CHODL: variants seen among roughly 807,000 people sequenced by gnomAD.
CHODL encodes transmembrane protein MT75.
Under a neutral mutation model 34.5 loss-of-function variants are expected in CHODL, and 29 were observed. The ratio of observed to expected loss-of-function variants is 0.84; its 90% CI spans 0.63 to 1.15. The LOEUF is 1.15. CHODL is among the 50% of genes most tolerant of loss of function. The pLI is 0.00. For synonymous variants in CHODL, 125 were observed against 116.1 expected (o/e 1.08, Z -0.49); for missense variants, 332 against 332.5 (o/e 1.00, Z 0.01).
upstream of CHODL, among the ~76,000 whole-genome samples, chr21:18,243,505 G>T (rs984835125): frequency 6.6e-6 from 1 of 152,074 alleles, no homozygotes; most frequent in Non-Finnish European, 1.5e-5. Flanking sequence ...TAAGAAAAAG[G>T]AAGTGATAGA....
chr21:18,238,652 A>G (rs1407328706), intron 2 of CHODL, among the ~76,000 whole-genome samples: 1 of 152,046 alleles, frequency 6.6e-6, no homozygotes, highest in Non-Finnish European at 1.5e-5. Context: ...TAGAGTATTA[A>G]GATTGTGAGG....
intron 1 of CHODL, among the ~76,000 whole-genome samples, chr21:17,987,980 A>G (rs2063766820): frequency 1.3e-5 from 2 of 152,154 alleles, no homozygotes; most frequent in African/African-American, 2.4e-5. Flanking sequence ...GATGCATTGG[A>G]GCAGATTTTT....
rs370717919 is a variant in CHODL, at chr21:18,103,440, T to C, written c.-45+75469T>C. Among the ~76,000 whole-genome samples, 72 of 152,182 alleles carry C rather than the reference T, an allele frequency of 4.7e-4. No homozygotes were observed. In the South Asian group the frequency reaches 0.015, roughly 32 times the overall value. ...ATCAATGTATTTCACATATTTTTGA[T>C]TATATACTGCCAAATAAAGAATTGC... On this transcript the variant is annotated intron_variant, in intron 2 of 6. Transcript: ENST00000400127.
intron 2 of CHODL, among the ~76,000 whole-genome samples, chr21:18,055,391 T>G (rs2064566691): frequency 6.6e-6 from 1 of 152,046 alleles, no homozygotes; most frequent in Non-Finnish European, 1.5e-5. Context: ...TTTCCTTGCC[T>G]TTTAGTTTTG....
At position 18,265,884 on chromosome 21, in the gene CHODL, C is replaced by G; in HGVS notation, c.738-70C>G. On this transcript the variant is annotated intron_variant, in intron 5 of 5. Coordinates refer to ENST00000299295, the MANE Select transcript of CHODL (RefSeq NM_024944.3). ...ATAAATAACTGTCTGAGATATCTCC[C>G]TTTGGACGTAGACATGCTTAGTTTA... 3 of 1,253,622 alleles carry G rather than the reference C, an allele frequency of 2.4e-6. No homozygotes were observed. The South Asian group carries it at 4.1e-5, about 17-fold the overall frequency. 77.7% of individuals were successfully genotyped at this position (1,253,622 alleles called of 1,614,324 possible).
chr21:18,185,140 A>G (rs1186152857), intron 2 of CHODL, among the ~76,000 whole-genome samples: 1 of 152,118 alleles, frequency 6.6e-6, no homozygotes, highest in South Asian at 2.1e-4. Context: ...TGTCATCTAC[A>G]TTAGGTATTT....
At chr21:17,979,684 T>C (rs757030322) in intron 1 of CHODL, among the ~76,000 whole-genome samples, 1 of 152,248 alleles carries the variant, frequency 6.6e-6, no homozygotes, top group Non-Finnish European at 1.5e-5. Flanking sequence ...GAGTTACAAA[T>C]GGAAACTTGT....
intron 2 of CHODL, among the ~76,000 whole-genome samples, chr21:18,106,770 C>G (rs1461387623): frequency 6.6e-6 from 1 of 152,180 alleles, no homozygotes; most frequent in Non-Finnish European, 1.5e-5. Context: ...GCTGGGATTA[C>G]AGGCGTGAGC....
At chr21:18,136,926 T>C (rs527334622) in intron 2 of CHODL, among the ~76,000 whole-genome samples, 22 of 151,960 alleles carry the variant, frequency 1.4e-4, no homozygotes, top group East Asian at 3.9e-4. Flanking sequence ...TACCATGACA[T>C]ACAGAAAAAA....
intron 2 of CHODL, among the ~76,000 whole-genome samples, chr21:18,172,390 G>T (rs1382863128): frequency 6.6e-6 from 1 of 152,148 alleles, no homozygotes; most frequent in Non-Finnish European, 1.5e-5. Context: ...AGACTTTTGG[G>T]TTTAAAACAG....
chr21:18,007,133 A>C (rs901567797), intron 1 of CHODL, among the ~76,000 whole-genome samples: 3 of 152,240 alleles, frequency 2.0e-5, no homozygotes, highest in Admixed American at 1.3e-4. Context: ...TTTTAAAAAA[A>C]ACTACTTCAA....
At chr21:17,970,481 A>G (rs561038626) in intron 1 of CHODL, among the ~76,000 whole-genome samples, 1 of 152,284 alleles carries the variant, frequency 6.6e-6, no homozygotes, top group East Asian at 1.9e-4. Flanking sequence ...TTAACTAAAG[A>G]GAAGAAGGTT....
At chr21:18,067,098 G>A (rs1021066458) in intron 2 of CHODL, among the ~76,000 whole-genome samples, 1 of 152,214 alleles carries the variant, frequency 6.6e-6, no homozygotes, top group Admixed American at 6.5e-5. Context: ...ATGCCAGATG[G>A]TGTGAGAGGC....
intron 2 of CHODL, among the ~76,000 whole-genome samples, chr21:18,100,844 T>C (rs867113133): frequency 2.3e-4 from 35 of 152,146 alleles, no homozygotes; most frequent in African/African-American, 7.2e-4. Flanking sequence ...AATACTTTTG[T>C]GAATTCCATC....
intron 2 of CHODL, among the ~76,000 whole-genome samples, chr21:18,033,230 A>G (rs1600918771): frequency 6.6e-6 from 1 of 151,990 alleles, no homozygotes; most frequent in Non-Finnish European, 1.5e-5. Context: ...TAGGTAATGC[A>G]AAGACAATAA....
At chr21:18,129,918 G>GTGTC (rs908736292) in intron 2 of CHODL, among the ~76,000 whole-genome samples, 2 of 148,812 alleles carry the variant, frequency 1.3e-5, no homozygotes, top group African/African-American at 4.9e-5. Flanking sequence ...GTGTGTGTGT[G>GTGTC]TGTGTGTGTG....
At chr21:18,037,366 A>C (rs1246530797) in intron 2 of CHODL, among the ~76,000 whole-genome samples, 5 of 151,902 alleles carry the variant, frequency 3.3e-5, no homozygotes, top group Non-Finnish European at 7.4e-5. Context: ...GGAACTCTCA[A>C]AAGTCTTCTA....
intron 1 of CHODL, among the ~76,000 whole-genome samples, chr21:17,952,079 A>G (rs550146224): frequency 6.7e-6 from 1 of 149,590 alleles, no homozygotes; most frequent in South Asian, 2.1e-4. Context: ...AGCCAGGCAC[A>G]TGGTGGTGCA....
At chr21:18,151,672 GC>G (rs1359187401) in intron 2 of CHODL, among the ~76,000 whole-genome samples, 2 of 152,202 alleles carry the variant, frequency 1.3e-5, no homozygotes, top group Non-Finnish European at 2.9e-5. Context: ...GTGGGACTGA[GC>G]CCTCAGTCTG....
Sources: allele counts gnomAD v4.1 joint callset (sites outside exome capture counted in the v4.1 genomes callset), GRCh38; gene constraint gnomAD v4.1.1; transcripts MANE v1.5; gene names NCBI Gene and HGNC (gene_info 2026-07-23, HGNC 2026-07-21).